The following EXD3 variants were observed in gnomAD, a reference collection of about 807,000 sequenced individuals.
The protein encoded by EXD3 is exonuclease mut-7 homolog.
In EXD3, 92 loss-of-function variants were observed where a neutral mutation model predicts 98.0. The observed-to-expected ratio is 0.94, with a 90% CI of 0.79 to 1.12. The LOEUF is 1.12. Ranked by LOEUF, EXD3 falls within the 50% of genes most tolerant of loss-of-function variation. EXD3 has a pLI of 0.00. For synonymous variants in EXD3, 569 were observed against 526.0 expected (o/e 1.08, Z -1.12); for missense variants, 1,222 against 1,191.6 (o/e 1.03, Z -0.38).
At chr9:137,330,005 A>C (rs1832912904) in intron 17 of EXD3, among the ~76,000 whole-genome samples, 2 of 132,564 alleles carry the variant, frequency 1.5e-5, no homozygotes, top group South Asian at 5.2e-4. Flanking sequence ...CACAGGAGCT[A>C]CACAGGACTA....
At chr9:137,353,572 C>T (rs1834427895) in intron 10 of EXD3, 1 of 985,900 alleles carries the variant, frequency 1.0e-6, no homozygotes, top group Non-Finnish European at 1.2e-6. Flanking sequence ...AAACCTCATC[C>T]TCACCAGGGT....
Position 137,351,462 on chromosome 9 carries a change from GCCGA to G in EXD3, c.1236_1239del (p.Pro414HisfsTer101). The G allele has an allele frequency of 6.2e-7, 1 of 1,600,996 alleles. No individual in the cohort carries two copies. The highest frequency in any genetic ancestry group is 8.5e-7 in the Non-Finnish European group (1 of 1,175,306). ...TCCACGGCCACCTGCAGGAGTGACG[GCCGA>G]GGCCGGCCCCCAGCAACAAACACAG... is the stretch of plus-strand genomic sequence containing the variant. On this transcript the variant is annotated frameshift_variant, in exon 13 of 22. Coordinates refer to ENST00000340951, the MANE Select transcript of EXD3 (RefSeq NM_017820.5). LOFTEE classifies it high-confidence loss of function.
chr9:137,391,229 C>T (rs1489372044), intron 2 of EXD3, among the ~76,000 whole-genome samples: 5 of 152,252 alleles, frequency 3.3e-5, no homozygotes, highest in Middle Eastern at 3.2e-3. Flanking sequence ...ATTACGAGAG[C>T]GGCATGCGCT....
At chr9:137,422,130 A>C (rs867394763) in intron 1 of EXD3, among the ~76,000 whole-genome samples, 9 of 150,768 alleles carry the variant, frequency 6.0e-5, no homozygotes, top group South Asian at 4.2e-4. Flanking sequence ...AAAAAAAAAA[A>C]AAAACTCCCT....
intron 2 of EXD3, among the ~76,000 whole-genome samples, chr9:137,394,532 C>G (rs1206781731): frequency 9.8e-5 from 14 of 143,216 alleles, no homozygotes; most frequent in Admixed American, 1.4e-4. Flanking sequence ...GCTTCCCTAA[C>G]CCCGGCCTCC....
intron 17 of EXD3, among the ~76,000 whole-genome samples, chr9:137,331,659 T>C (rs1485249608): frequency 6.6e-6 from 1 of 152,158 alleles, no homozygotes; most frequent in Non-Finnish European, 1.5e-5. Flanking sequence ...CTCACGCCTG[T>C]AATCCCAGCA....
intron 1 of EXD3, among the ~76,000 whole-genome samples, chr9:137,411,697 G>A (rs970855553): frequency 4.2e-5 from 6 of 143,010 alleles, no homozygotes; most frequent in African/African-American, 1.3e-4. Flanking sequence ...AGGCGGGGGT[G>A]GGGGAGGTTG....
chr9:137,383,198 C>T (rs904733479), intron 3 of EXD3, 115 bp downstream of exon 3: 62 of 858,236 alleles, frequency 7.2e-5, no homozygotes, highest in Middle Eastern at 2.3e-4. Context: ...ACCCTGTGGC[C>T]GTGGGGGGCT....
At chr9:137,357,773 G>A (rs1318516690) in intron 7 of EXD3, among the ~76,000 whole-genome samples, 1 of 151,128 alleles carries the variant, frequency 6.6e-6, no homozygotes, top group African/African-American at 2.4e-5. Flanking sequence ...AGTTTATTAA[G>A]TATTAACTCA....
At chr9:137,331,869 G>T (rs1161151917) in intron 17 of EXD3, among the ~76,000 whole-genome samples, 1 of 152,014 alleles carries the variant, frequency 6.6e-6, no homozygotes, top group Non-Finnish European at 1.5e-5. Context: ...TGAGCCGAGA[G>T]GGCGCCACTG....
At chr9:137,366,026 A>G (rs1588357071) in intron 7 of EXD3, 3 of 628,388 alleles carry the variant, frequency 4.8e-6, no homozygotes, top group East Asian at 6.3e-5. Context: ...GCACACACAT[A>G]CATGCACACA....
chr9:137,308,746 C>T (rs941922568), intron 20 of EXD3, among the ~76,000 whole-genome samples: 40 of 151,538 alleles, frequency 2.6e-4, no homozygotes, highest in Non-Finnish European at 4.0e-4. Flanking sequence ...AAGTGATTCT[C>T]CTGCCTCAGC....
chr9:137,374,627 G>C (rs1221358592), intron 3 of EXD3: 1 of 985,494 alleles, frequency 1.0e-6, no homozygotes, highest in Non-Finnish European at 1.2e-6. Flanking sequence ...TGTGTGAGGA[G>C]ACCTCAGCGC....
At position 137,349,357 on chromosome 9, in the gene EXD3, C is replaced by T. The variant is rs529464370; in HGVS notation, c.1657+12G>A. The T allele has an allele frequency of 2.7e-5, 43 of 1,570,918 alleles. No homozygotes were observed. Among genetic ancestry groups the T allele is most frequent in the African/African-American group, 4.0e-5 (3 of 74,270 alleles). On this transcript the variant is annotated intron_variant, in intron 15 of 21. Coordinates refer to ENST00000340951, the MANE Select transcript of EXD3 (RefSeq NM_017820.5). This position sits in a 1 kb window ranked among gnomAD's most constrained non-coding sequence, Gnocchi z 7.4. Reference sequence around the variant, plus strand: ...GTGAGGAGGGGTCACTCCCACCCGCCGCACCGCACACCTGCGTAGATGACC... The same window carrying T: ...GTGAGGAGGGGTCACTCCCACCCGCTGCACCGCACACCTGCGTAGATGACC...
chr9:137,352,101 C>T lies in EXD3; in HGVS notation c.1138G>A (p.Glu380Lys), dbSNP rs932963436. 3.1e-6 allele frequency: 5 copies of T among 1,612,454 alleles called. No individual in the cohort carries two copies. The highest frequency in any genetic ancestry group is 3.4e-6 in the Non-Finnish European group (4 of 1,179,702). Residue 380 changes from glutamate (E) to lysine (K), a missense_variant, in exon 12 of 22, where the codon GAA becomes AAA. Coordinates refer to ENST00000340951, the MANE Select transcript of EXD3 (RefSeq NM_017820.5). Reference protein sequence around the residue: ...RENVHLLASWEDLTRHEGALL... With the variant: ...RENVHLLASWKDLTRHEGALL... ...GCACCCTCGTGTCTGGTCAGGTCTT[C>T]CCACGAGGCCAGGAGGTGGACGTTC...
In EXD3 at chr9:137,403,389, C is replaced by A. The variant is rs1402801366; in HGVS notation, c.-47-7985G>T. On this transcript the variant is annotated intron_variant, in intron 1 of 21. Coordinates refer to ENST00000340951, the MANE Select transcript of EXD3 (RefSeq NM_017820.5). This position sits in a 1 kb window ranked among gnomAD's most constrained non-coding sequence, Gnocchi z 6.1. ...GGGGGCACAGGCAGGGAGCTGCAGA[C>A]CCCGTTCCTCTGTAGCCCTCCCCAC... Among the ~76,000 whole-genome samples, 1 of 152,030 alleles carries A rather than the reference C, an allele frequency of 6.6e-6. No individual in the cohort carries two copies. The highest frequency in any genetic ancestry group is 6.5e-5 in the Admixed American group (1 of 15,276).
chr9:137,371,298 C>G lies in EXD3; in HGVS notation c.462+1607G>C, dbSNP rs1045715291. Reference sequence around the variant, plus strand: ...CCCTCCATCCTGCATTGTCCTGTGCCGGGACATGGTGGCTTCTCAGCGCCA... The same window carrying G: ...CCCTCCATCCTGCATTGTCCTGTGCGGGGACATGGTGGCTTCTCAGCGCCA... On this transcript the variant is annotated intron_variant, in intron 5 of 21. Coordinates refer to ENST00000340951, the MANE Select transcript of EXD3 (RefSeq NM_017820.5). This position sits in a 1 kb window ranked among gnomAD's most constrained non-coding sequence, Gnocchi z 8.0. Among the ~76,000 whole-genome samples, 2 of 152,214 alleles carry G rather than the reference C, an allele frequency of 1.3e-5. No individual in the cohort carries two copies. The highest frequency in any genetic ancestry group is 2.9e-5 in the Non-Finnish European group (2 of 68,010).
chr9:137,397,423 C>T (rs1011800873), intron 1 of EXD3, among the ~76,000 whole-genome samples: 27 of 152,052 alleles, frequency 1.8e-4, no homozygotes, highest in African/African-American at 3.4e-4. Flanking sequence ...CCCACCGGAG[C>T]GAAAAACAAT....
chr9:137,353,219 A>C, intron 10 of EXD3: 2 of 980,448 alleles, frequency 2.0e-6, no homozygotes, highest in Non-Finnish European at 2.4e-6. Context: ...CCAAGCCTCC[A>C]CTGACCTTTC....
Sources: allele counts gnomAD v4.1 joint callset (sites outside exome capture counted in the v4.1 genomes callset), GRCh38; gene constraint gnomAD v4.1.1; non-coding constraint Gnocchi (gnomAD v3.1); transcripts MANE v1.5; gene names NCBI Gene and HGNC (gene_info 2026-07-23, HGNC 2026-07-21).